Variants in PUDP observed in about 807,000 individuals in gnomAD.
PUDP encodes the protein pseudouridine 5'-phosphatase.
In PUDP, 8 loss-of-function variants were observed where a neutral mutation model predicts 9.4. The ratio of observed to expected loss-of-function variants is 0.85; its 90% CI spans 0.50 to 1.53. PUDP has a LOEUF of 1.53. Among genes scored for constraint, PUDP ranks in the 40% most tolerant of loss-of-function variants. PUDP has a pLI of 0.00. For synonymous variants in PUDP, 99 were observed against 80.7 expected, an observed-to-expected ratio of 1.23 and a Z score of -1.22; for missense variants, 188 against 189.7, an observed-to-expected ratio of 0.99 and a Z score of 0.05.
At chrX:7,059,309 T>G (rs1930334060) in intron 3 of PUDP, among the ~76,000 whole-genome samples, 1 of 111,897 alleles carries the variant, frequency 8.9e-6, no homozygotes, top group Admixed American at 9.5e-5. Context: ...CCTGATTTCC[T>G]CTTTTAATGG....
chrX:6,993,645 A>C (rs1368309712), intron 1 of PUDP, among the ~76,000 whole-genome samples: 3 of 112,324 alleles, frequency 2.7e-5, no homozygotes, highest in Non-Finnish European at 5.6e-5. Context: ...CATTTTGAAA[A>C]TGGGGAAAAA....
At chrX:7,069,478 C>T (rs376877071) in intron 3 of PUDP, among the ~76,000 whole-genome samples, 6 of 110,302 alleles carry the variant, frequency 5.4e-5, no homozygotes, top group African/African-American at 1.7e-4. Context: ...AAGGATGCCA[C>T]GTGCGCTCGG....
intron 3 of PUDP, among the ~76,000 whole-genome samples, chrX:6,931,241 G>A (rs1426938717): frequency 5.3e-5 from 6 of 112,345 alleles, no homozygotes. Context: ...AGATTCTTGT[G>A]TTCCTGGTTT....
At chrX:6,750,911 G>A (rs575944785) in intron 3 of PUDP, among the ~76,000 whole-genome samples, 12 of 111,191 alleles carry the variant, frequency 1.1e-4, no homozygotes, top group African/African-American at 2.9e-4. Context: ...AGGCCGAGGC[G>A]GGCAGATCAC....
intron 3 of PUDP, among the ~76,000 whole-genome samples, chrX:6,796,813 T>C (rs977070375): frequency 1.8e-5 from 2 of 111,868 alleles, no homozygotes; most frequent in African/African-American, 6.5e-5. Context: ...TTTAACATTA[T>C]TTACCTCATC....
At chrX:7,039,344 T>C (rs1193709968) in intron 1 of PUDP, among the ~76,000 whole-genome samples, 1 of 112,449 alleles carries the variant, frequency 8.9e-6, no homozygotes, top group African/African-American at 3.2e-5. Flanking sequence ...AAGTGCATTA[T>C]ATAACAGAAA....
At chrX:6,973,730 C>T (rs4830756) in intron 3 of PUDP, among the ~76,000 whole-genome samples, 26,408 of 110,461 alleles carry the variant, frequency 0.24, 2,429 homozygotes, top group Admixed American at 0.37. Context: ...TCTGCTTGGT[C>T]CAGGGCTGAG....
chrX:6,754,999 G>A (rs1015516639), intron 3 of PUDP, among the ~76,000 whole-genome samples: 1 of 111,463 alleles, frequency 9.0e-6, no homozygotes, highest in Non-Finnish European at 1.9e-5. Flanking sequence ...TGGTTTTGCT[G>A]TGAAAATGGC....
At chrX:6,738,071 C>T (rs925624657) in intron 3 of PUDP, among the ~76,000 whole-genome samples, 3 of 111,167 alleles carry the variant, frequency 2.7e-5, no homozygotes, top group African/African-American at 9.8e-5. Flanking sequence ...TCATGGCACC[C>T]TAGAAAACCT....
intron 2 of PUDP, among the ~76,000 whole-genome samples, chrX:7,098,009 C>T (rs1222701599): frequency 1.8e-5 from 2 of 110,629 alleles, no homozygotes; most frequent in Non-Finnish European, 3.8e-5. Flanking sequence ...TCAACGAAGC[C>T]GAGCAGGGAT....
At chrX:6,975,126 G>C in intron 3 of PUDP, among the ~76,000 whole-genome samples, 1 of 109,837 alleles carries the variant, frequency 9.1e-6, no homozygotes, top group Non-Finnish European at 1.9e-5. Flanking sequence ...CTTTTTTCAA[G>C]GTTCTTAGCT....
chrX:6,854,412 G>A (rs906993602), intron 3 of PUDP, among the ~76,000 whole-genome samples: 6 of 111,613 alleles, frequency 5.4e-5, no homozygotes, highest in Non-Finnish European at 9.4e-5. Flanking sequence ...TAATTTTGTC[G>A]AATTTCAAAA....
At chrX:6,900,448 T>G (rs1319178816) in intron 3 of PUDP, among the ~76,000 whole-genome samples, 1 of 106,799 alleles carries the variant, frequency 9.4e-6, no homozygotes, top group Non-Finnish European at 1.9e-5. Flanking sequence ...CAAATGGCAA[T>G]GTAGTACCAA....
intron 1 of PUDP, among the ~76,000 whole-genome samples, chrX:7,026,597 T>C (rs1227139033): frequency 1.8e-5 from 2 of 111,577 alleles, no homozygotes; most frequent in African/African-American, 3.3e-5. Flanking sequence ...TCTCGCTCCA[T>C]GGGTCTCCAT....
chrX:7,010,905 G>T (rs1270738457), intron 1 of PUDP, among the ~76,000 whole-genome samples: 3 of 112,009 alleles, frequency 2.7e-5, no homozygotes, highest in Admixed American at 9.4e-5. Flanking sequence ...ATCCAAGAGG[G>T]TGAGCACTGT....
intron 1 of PUDP, among the ~76,000 whole-genome samples, chrX:7,041,824 C>A (rs926805820): frequency 9.3e-6 from 1 of 107,174 alleles, no homozygotes; most frequent in Admixed American, 1.0e-4. Context: ...CACAGGTGAC[C>A]CTCATATCAT....
At chrX:6,973,193 A>T (rs748534452) in intron 3 of PUDP, among the ~76,000 whole-genome samples, 3 of 110,567 alleles carry the variant, frequency 2.7e-5, no homozygotes, top group Admixed American at 9.6e-5. Context: ...AGAGTTTTTC[A>T]TGTCTCTATC....
intron 3 of PUDP, among the ~76,000 whole-genome samples, chrX:6,948,980 G>A (rs1288959253): frequency 8.9e-6 from 1 of 112,319 alleles, no homozygotes; most frequent in Non-Finnish European, 1.9e-5. Flanking sequence ...GGCACATGAT[G>A]TTGGTGTTTC....
At chrX:6,972,623 G>A (rs1222097183) in intron 3 of PUDP, among the ~76,000 whole-genome samples, 2 of 111,994 alleles carry the variant, frequency 1.8e-5, no homozygotes, top group Non-Finnish European at 3.8e-5. Flanking sequence ...ATTTTATTGA[G>A]GATTTTCACA....
Sources: allele counts gnomAD v4.1 joint callset (sites outside exome capture counted in the v4.1 genomes callset), GRCh38; gene constraint gnomAD v4.1.1; transcripts MANE v1.5; gene names NCBI Gene and HGNC (gene_info 2026-07-23, HGNC 2026-07-21).